NRG2: variants seen among roughly 807,000 people sequenced by gnomAD.
The protein encoded by NRG2 is pro-neuregulin-2, membrane-bound isoform.
NRG2 carries 27 observed loss-of-function variants against 73.9 expected under a neutral mutation model. The ratio of observed to expected loss-of-function variants is 0.37; its 90% CI spans 0.27 to 0.50. The LOEUF (loss-of-function observed/expected upper bound fraction) is 0.50, where lower values mean the gene tolerates loss of function less well. NRG2 is among the 20% of genes least tolerant of loss of function. NRG2 has a pLI of 0.96. For missense variants in NRG2, 1,126 were observed against 1,210.1 expected (o/e 0.93, Z 1.03); for synonymous variants, 532 against 541.0 (o/e 0.98, Z 0.23).
At position 139,908,109 on chromosome 5, in the gene NRG2, C is replaced by T. The variant is rs75319895; in HGVS notation, c.701-20598G>A. Reference sequence around the variant, plus strand: ...GCTGCAATGCAAGGACTCCGGCCTTCGCCATTTTTCACTAGGACCCATGCT... The same window carrying T: ...GCTGCAATGCAAGGACTCCGGCCTTTGCCATTTTTCACTAGGACCCATGCT... On this transcript the variant is annotated intron_variant, in intron 1 of 9. Transcript: ENST00000361474. 4.8e-3 allele frequency among the ~76,000 whole-genome samples: 731 copies of T among 152,368 alleles called. 6 individuals carry two copies. Among genetic ancestry groups the T allele is most frequent in the African/African-American group, 0.017 (688 of 41,584 alleles).
intron 1 of NRG2, among the ~76,000 whole-genome samples, chr5:139,968,054 GTT>G: frequency 6.6e-6 from 1 of 152,254 alleles, no homozygotes. Context: ...CCCTTCCAGA[GTT>G]TCATTCCAGG....
intron 1 of NRG2, among the ~76,000 whole-genome samples, chr5:139,914,781 G>A (rs1210258605): frequency 3.3e-5 from 5 of 152,176 alleles, no homozygotes; most frequent in Admixed American, 6.5e-5. Context: ...CCACCCACTA[G>A]CTCTGAGGCC....
intron 5 of NRG2, among the ~76,000 whole-genome samples, chr5:139,859,326 T>C (rs903546256): frequency 1.3e-5 from 2 of 151,970 alleles, no homozygotes; most frequent in Non-Finnish European, 2.9e-5. Context: ...CTCAAGCAGA[T>C]GGCAAAGCCA....
chr5:139,951,334 G>A (rs1163276120), intron 1 of NRG2, among the ~76,000 whole-genome samples: 1 of 152,234 alleles, frequency 6.6e-6, no homozygotes, highest in Admixed American at 6.5e-5. Context: ...AGAGGTAGGA[G>A]TGAGGCCTTT....
chr5:139,864,185 G>A (rs1039402288), intron 5 of NRG2, among the ~76,000 whole-genome samples: 39 of 152,194 alleles, frequency 2.6e-4, no homozygotes, highest in African/African-American at 8.2e-4. Flanking sequence ...GGTAACTGGG[G>A]ACAGGCCTTG....
intron 1 of NRG2, among the ~76,000 whole-genome samples, chr5:139,888,174 G>C (rs998863314): frequency 3.9e-5 from 6 of 152,004 alleles, no homozygotes; most frequent in African/African-American, 1.5e-4. Context: ...TCAGGAAGAT[G>C]AGGCTAAGCC....
In NRG2 at chr5:139,906,628, G is replaced by T. The variant is rs182536065; in HGVS notation, c.701-19117C>A. Reference sequence around the variant, plus strand: ...GTTTCGGGCACAGTGCTAGGTGCTGGAGATACGGCAGTGAGCAAGACAGAC... The same window carrying T: ...GTTTCGGGCACAGTGCTAGGTGCTGTAGATACGGCAGTGAGCAAGACAGAC... On this transcript the variant is annotated intron_variant, in intron 1 of 9. Transcript: ENST00000361474. Among the ~76,000 whole-genome samples, 66 of 152,346 alleles carry T rather than the reference G, an allele frequency of 4.3e-4. 2 individuals carry two copies. The highest frequency in any genetic ancestry group is 1.5e-5 in the Non-Finnish European group (1 of 68,036).
At chr5:139,974,701 C>G (rs1486040016) in intron 1 of NRG2, among the ~76,000 whole-genome samples, 1 of 152,188 alleles carries the variant, frequency 6.6e-6, no homozygotes, top group Non-Finnish European at 1.5e-5. Context: ...TTTCTCTTCT[C>G]CCCGTAGATC....
At chr5:139,944,776 T>C (rs1240303606) in intron 1 of NRG2, among the ~76,000 whole-genome samples, 1 of 152,164 alleles carries the variant, frequency 6.6e-6, no homozygotes, top group Non-Finnish European at 1.5e-5. Context: ...CTCCCAGTAG[T>C]GATATTGCTG....
At chr5:139,947,636 C>G (rs1753895601) in intron 1 of NRG2, among the ~76,000 whole-genome samples, 1 of 152,198 alleles carries the variant, frequency 6.6e-6, no homozygotes, top group Admixed American at 6.5e-5. Flanking sequence ...CTTTTCCAAA[C>G]CAACTGCATG....
chr5:139,876,074 T>C (rs1581835616), intron 3 of NRG2, among the ~76,000 whole-genome samples: 1 of 152,150 alleles, frequency 6.6e-6, no homozygotes, highest in African/African-American at 2.4e-5. Context: ...AGCCAAAATG[T>C]GGAAACAATC....
chr5:140,041,636 A>C (rs1194903040), intron 1 of NRG2, among the ~76,000 whole-genome samples: 2 of 150,484 alleles, frequency 1.3e-5, no homozygotes, highest in African/African-American at 2.5e-5. Flanking sequence ...CATCACAATC[A>C]ACAGACCTTG....
intron 2 of NRG2, among the ~76,000 whole-genome samples, chr5:139,885,188 CAGG>C (rs1763784556): frequency 6.6e-6 from 1 of 152,130 alleles, no homozygotes; most frequent in Non-Finnish European, 1.5e-5. Flanking sequence ...CTTAAAGCAA[CAGG>C]AGAAGGTGAA....
At position 139,904,480 on chromosome 5, in the gene NRG2, G is replaced by A. The variant is rs979071812; in HGVS notation, c.701-16969C>T. On this transcript the variant is annotated intron_variant, in intron 1 of 9. Coordinates refer to ENST00000361474, the MANE Select transcript of NRG2 (RefSeq NM_004883.3). This position sits in a 1 kb window ranked among gnomAD's most constrained non-coding sequence, Gnocchi z 6.0. ...CCCGCCGCCTGCAGCCTCAGTGCCC[G>A]AGCGCGGCGCCTTTCTTATAGGCGG... 2 of 781,680 alleles carry A rather than the reference G, an allele frequency of 2.6e-6. No homozygotes were observed. The highest frequency in any genetic ancestry group is 1.8e-5 in the South Asian group (1 of 57,096). The allele number at this position is 781,680 out of a possible 1,614,324, so 48.4% of individuals were successfully genotyped here. A position where few individuals can be genotyped will look rare whatever the true frequency, so the allele number is the denominator to read the frequency against.
At chr5:139,939,475 G>A (rs572995662) in intron 1 of NRG2, among the ~76,000 whole-genome samples, 8 of 151,808 alleles carry the variant, frequency 5.3e-5, no homozygotes, top group East Asian at 1.9e-4. Context: ...GGGTTTCACC[G>A]TGTTGCCCAG....
At chr5:139,861,775 C>CA in intron 5 of NRG2, 1 of 515,272 alleles carries the variant, frequency 1.9e-6, no homozygotes. Flanking sequence ...AACCCTGGCG[C>CA]ACCTCTCACT....
At chr5:140,013,629 G>T (rs1000563012) in intron 1 of NRG2, among the ~76,000 whole-genome samples, 4 of 152,096 alleles carry the variant, frequency 2.6e-5, no homozygotes, top group Non-Finnish European at 5.9e-5. Flanking sequence ...GTTCACCTTT[G>T]TAGCAAACTT....
At chr5:140,027,139 C>T (rs1760756968) in intron 1 of NRG2, among the ~76,000 whole-genome samples, 1 of 151,986 alleles carries the variant, frequency 6.6e-6, no homozygotes. Flanking sequence ...CTCCACTATG[C>T]CTGGCTAATT....
intron 1 of NRG2, among the ~76,000 whole-genome samples, chr5:140,024,178 G>C (rs1760476254): frequency 6.6e-6 from 1 of 152,178 alleles, no homozygotes; most frequent in Admixed American, 6.5e-5. Flanking sequence ...TCACTGTATG[G>C]AGAGAGATGC....
Sources: allele counts gnomAD v4.1 joint callset (sites outside exome capture counted in the v4.1 genomes callset), GRCh38; gene constraint gnomAD v4.1.1; non-coding constraint Gnocchi (gnomAD v3.1); transcripts MANE v1.5; gene names NCBI Gene and HGNC (gene_info 2026-07-23, HGNC 2026-07-21).